The following HS3ST2 variants were observed in gnomAD, a reference collection of about 807,000 sequenced individuals.
HS3ST2 encodes the protein heparan sulfate-glucosamine 3-sulfotransferase 2, also known as heparan sulfate glucosamine 3-O-sulfotransferase 2.
Under a neutral mutation model 26.3 loss-of-function variants are expected in HS3ST2, and 17 were observed. That is an observed-to-expected ratio of 0.65 (90% CI 0.44 to 0.97). The LOEUF is 0.97. HS3ST2 is among the 50% of genes least tolerant of loss of function. The probability of loss-of-function intolerance (pLI) is 0.00; values close to 1 mark genes in which losing one functional copy is unlikely to be tolerated. For synonymous variants in HS3ST2, 237 were observed against 219.2 expected (o/e 1.08, Z -0.72); for missense variants, 402 against 501.2 (o/e 0.80, Z 1.89).
chr16:22,840,139 G>T lies in HS3ST2; in HGVS notation c.485+25044G>T, dbSNP rs112956207. Among the ~76,000 whole-genome samples the T allele has an allele frequency of 8.0e-3, 1,222 of 152,320 alleles. 13 individuals are homozygous for T. Among genetic ancestry groups the T allele is most frequent in the African/African-American group, 0.025 (1,038 of 41,556 alleles). On this transcript the variant is annotated intron_variant, in intron 1 of 1. Transcript: ENST00000261374. The stretch of plus-strand genomic sequence containing the variant: ...TGACTTTTGGTTTTGATGGTGACAG[G>T]CACCTGACTTACAAAGGTAAGTAGA...
At chr16:22,816,135 C>G (rs965029687) in intron 1 of HS3ST2, among the ~76,000 whole-genome samples, 9 of 152,128 alleles carry the variant, frequency 5.9e-5, no homozygotes, top group Non-Finnish European at 1.3e-4. Flanking sequence ...TAGGACTGGC[C>G]CACATGTGGG....
Position 22,814,988 on chromosome 16 carries a change from C to G in HS3ST2, c.378C>G (p.Gly126=). 1 of 1,612,982 alleles carries G rather than the reference C, an allele frequency of 6.2e-7. No individual in the cohort carries two copies. Among genetic ancestry groups the G allele is most frequent in the Non-Finnish European group, 8.5e-7 (1 of 1,179,946 alleles). Residue 126 remains glycine, a synonymous_variant, in exon 1 of 2, where the codon GGC becomes GGG. Transcript: ENST00000261374. The stretch of plus-strand genomic sequence containing the variant: ...TCATTGTGGGCGTGAAGAAGGGGGG[C>G]ACCCGGGCCGTGCTGGAGTTTATCC... ...QALIVGVKKG[G]TRAVLEFIRV...
chr16:22,825,997 T>C (rs1362493257), intron 1 of HS3ST2, among the ~76,000 whole-genome samples: 1 of 152,108 alleles, frequency 6.6e-6, no homozygotes, highest in Non-Finnish European at 1.5e-5. Flanking sequence ...CACTCCAGCC[T>C]AGACAAAAAG....
chr16:22,819,194 C>G (rs868858171), intron 1 of HS3ST2, among the ~76,000 whole-genome samples: 1 of 137,578 alleles, frequency 7.3e-6, no homozygotes, highest in East Asian at 2.3e-4. Context: ...CTCCCTTCCT[C>G]CCTTCCTTTT....
intron 1 of HS3ST2, among the ~76,000 whole-genome samples, chr16:22,862,653 G>T (rs2141189891): frequency 6.6e-6 from 1 of 152,308 alleles, no homozygotes; most frequent in South Asian, 2.1e-4. Context: ...CTGGGACTCA[G>T]CCAGGTTGCC....
intron 1 of HS3ST2, among the ~76,000 whole-genome samples, chr16:22,881,214 A>C (rs111785891): frequency 0.011 from 1,720 of 152,342 alleles, 35 homozygotes; most frequent in African/African-American, 0.039. Flanking sequence ...TGACAGAGTT[A>C]AAAGGAACAC....
intron 1 of HS3ST2, among the ~76,000 whole-genome samples, chr16:22,864,924 A>T (rs887444296): frequency 1.2e-4 from 18 of 144,612 alleles, no homozygotes; most frequent in African/African-American, 4.8e-4. Context: ...GGTGGTACAC[A>T]CCTGTAGTCC....
chr16:22,908,700 T>G (rs1425598847), intron 1 of HS3ST2, among the ~76,000 whole-genome samples: 2 of 152,260 alleles, frequency 1.3e-5, no homozygotes, highest in South Asian at 2.1e-4. Flanking sequence ...CATTAACACA[T>G]TAATCCTTTA....
Position 22,853,672 on chromosome 16 carries a change from A to G in HS3ST2, c.485+38577A>G, listed in dbSNP as rs371505702. Among the ~76,000 whole-genome samples, 8 of 152,330 alleles carry G rather than the reference A, an allele frequency of 5.3e-5. No individual in the cohort carries two copies. The East Asian group carries it at 7.7e-4, about 15-fold the overall frequency. On this transcript the variant is annotated intron_variant, in intron 1 of 1. Transcript: ENST00000261374. Reference sequence around the variant, plus strand: ...TGGGCCTGAAGGTGCCACGGAAGTCAGCTTCCCTCTTTCCATCCTAAGAAG... The same window carrying G: ...TGGGCCTGAAGGTGCCACGGAAGTCGGCTTCCCTCTTTCCATCCTAAGAAG...
intron 1 of HS3ST2, among the ~76,000 whole-genome samples, chr16:22,908,641 C>G (rs963687540): frequency 5.3e-5 from 8 of 152,072 alleles, no homozygotes; most frequent in Non-Finnish European, 8.8e-5. Flanking sequence ...TAGCTCAGTT[C>G]CACTTCTTAT....
Position 22,915,283 on chromosome 16 carries a change from G to A in HS3ST2, c.825G>A (p.Glu275=), listed in dbSNP as rs1471142827. The change falls in exon 2 of 2, where the codon GAG becomes GAA. Residue 275 remains glutamate (E), a synonymous_variant. Coordinates refer to ENST00000261374, the MANE Select transcript of HS3ST2 (RefSeq NM_006043.2). ...PLAQIHFVSG[E]RLITDPAGEM... ...CTCAGATTCACTTCGTCAGTGGCGAGCGACTCATCACTGACCCGGCCGGCG... is the reference window on the plus strand; with the variant it reads ...CTCAGATTCACTTCGTCAGTGGCGAACGACTCATCACTGACCCGGCCGGCG... 15 of 1,614,014 alleles carry A rather than the reference G, an allele frequency of 9.3e-6. No individual in the cohort carries two copies. The highest frequency in any genetic ancestry group is 1.2e-5 in the Non-Finnish European group (14 of 1,180,056).
chr16:22,815,536 GCT>G (rs1384756951), intron 1 of HS3ST2, among the ~76,000 whole-genome samples: 1 of 152,166 alleles, frequency 6.6e-6, no homozygotes, highest in East Asian at 1.9e-4. Flanking sequence ...TTGCAGCAAG[GCT>G]CTGTTTGGGA....
At chr16:22,822,267 G>C (rs1901005143) in intron 1 of HS3ST2, among the ~76,000 whole-genome samples, 1 of 152,108 alleles carries the variant, frequency 6.6e-6, no homozygotes. Flanking sequence ...CCAGGCTCAA[G>C]TGATCCTCCC....
At chr16:22,832,733 G>T (rs208960) in intron 1 of HS3ST2, among the ~76,000 whole-genome samples, 23 of 150,440 alleles carry the variant, frequency 1.5e-4, no homozygotes, top group African/African-American at 5.7e-4. Context: ...GTGAGTTGAA[G>T]GGGATACGAG....
chr16:22,814,496 A>G lies in HS3ST2; in HGVS notation c.-115A>G. On this transcript the variant is annotated 5_prime_UTR_variant, in exon 1 of 2. Transcript: ENST00000261374. ...GAGAAGACGGCGCCCCCAACGCCCG[A>G]CCCGCGTGGCCGTGGCAGCGCCACG... is the stretch of plus-strand genomic sequence containing the variant. 8.0e-7 allele frequency: 1 copy of G among 1,242,332 alleles called. No individual in the cohort carries two copies. The highest frequency in any genetic ancestry group is 1.1e-6 in the Non-Finnish European group (1 of 948,724). 77.0% of individuals were successfully genotyped at this position (1,242,332 alleles called of 1,614,324 possible).
At position 22,915,657 on chromosome 16, in the gene HS3ST2, G is replaced by T. The variant is rs1902485981; in HGVS notation, c.*95G>T. 2 of 1,372,802 alleles carry T rather than the reference G, an allele frequency of 1.5e-6. No individual in the cohort carries two copies. Among genetic ancestry groups the T allele is most frequent in the Non-Finnish European group, 2.0e-6 (2 of 1,005,662 alleles). 85.0% of individuals were successfully genotyped at this position (1,372,802 alleles called of 1,614,324 possible). A position where few individuals can be genotyped will look rare whatever the true frequency, so the allele number is the denominator to read the frequency against. Reference sequence around the variant, plus strand: ...TCTGATCTCCCTCCAACAAACCCTGGCTCCAGCCCCCTTTCCCAACTTGAG... The same window carrying T: ...TCTGATCTCCCTCCAACAAACCCTGTCTCCAGCCCCCTTTCCCAACTTGAG... On this transcript the variant is annotated 3_prime_UTR_variant, in exon 2 of 2. Coordinates refer to ENST00000261374, the MANE Select transcript of HS3ST2 (RefSeq NM_006043.2).
chr16:22,912,755 G>T (rs1902438463), intron 1 of HS3ST2, among the ~76,000 whole-genome samples: 1 of 152,106 alleles, frequency 6.6e-6, no homozygotes, highest in Admixed American at 6.5e-5. Flanking sequence ...CTACAAAAAG[G>T]GTGGTAGCTT....
intron 1 of HS3ST2, among the ~76,000 whole-genome samples, chr16:22,865,119 G>T (rs1901733805): frequency 6.7e-6 from 1 of 149,172 alleles, no homozygotes; most frequent in South Asian, 2.1e-4. Flanking sequence ...AAGATAAAAT[G>T]CAGATTTTTT....
intron 1 of HS3ST2, among the ~76,000 whole-genome samples, chr16:22,828,120 A>T (rs144659678): frequency 6.6e-6 from 1 of 152,146 alleles, no homozygotes; most frequent in Non-Finnish European, 1.5e-5. Flanking sequence ...GGTCCTGTCT[A>T]TCATAGACGT....
Sources: gnomAD v4.1 joint callset for allele counts (sites outside exome capture counted in the v4.1 genomes callset) on GRCh38, gnomAD v4.1.1 for gene constraint, MANE v1.5 for transcripts, NCBI Gene and HGNC (gene_info 2026-07-23, HGNC 2026-07-21) for gene names.